KCNH4: variants seen among roughly 807,000 people sequenced by gnomAD.
The protein encoded by KCNH4 is potassium voltage-gated channel subfamily H member 4, also known as voltage-gated delayed rectifier potassium channel KCNH4.
KCNH4 carries 33 observed loss-of-function variants against 90.7 expected under a neutral mutation model. The observed-to-expected ratio is 0.36, with a 90% confidence interval of 0.28 to 0.49. The LOEUF is 0.49. Among genes scored for constraint, KCNH4 ranks in the 20% least tolerant of loss-of-function variants. The probability of loss-of-function intolerance (pLI) is 0.98; values close to 1 mark genes in which losing one functional copy is unlikely to be tolerated. For synonymous variants in KCNH4, 551 were observed against 581.7 expected (o/e 0.95, Z 0.76); for missense variants, 1,044 against 1,387.1 (o/e 0.75, Z 3.93).
Position 42,166,383 on chromosome 17 carries a change from C to A in KCNH4, c.1754G>T (p.Arg585Leu), listed in dbSNP as rs755800187. Residue 585 changes from arginine to leucine, a missense_variant, in exon 10 of 17, where the codon CGC (arginine) becomes CTC (leucine). Transcript: ENST00000264661. ...SFCAPGEYLL[R>L]RGDALQAHYY... The stretch of plus-strand genomic sequence containing the variant: ...ATGTGCCTGCAGGGCATCCCCACGG[C>A]GCAACAGGTACTCGCCCGGAGCGCA... 6.2e-7 allele frequency: 1 copy of A among 1,613,890 alleles called. No individual in the cohort carries two copies. Among genetic ancestry groups the A allele is most frequent in the East Asian group, 2.2e-5 (1 of 44,866 alleles).
chr17:42,178,552 C>T (rs1025896120), intron 2 of KCNH4, 75 bp from the exon 3 acceptor site: 1 of 1,540,848 alleles, frequency 6.5e-7, no homozygotes. Context: ...CCCTCTCATC[C>T]TCCTAGACAT....
At chr17:42,162,439 G>T in intron 14 of KCNH4, 118 bp from the exon 15 acceptor site, 1 of 791,990 alleles carries the variant, frequency 1.3e-6, no homozygotes, top group South Asian at 1.7e-5. Context: ...AAGCTCTAGG[G>T]TCTGTAAGAT....
rs761467739 is a variant in KCNH4 at position 42,165,488 on chromosome 17, C to T, written c.2046G>A (p.Arg682=). Residue 682 remains arginine, a synonymous_variant, in exon 11 of 17, where the codon CGG becomes CGA. Coordinates refer to ENST00000264661, the MANE Select transcript of KCNH4 (RefSeq NM_012285.3). ...CCTGGCGCAGGTTGAAGGTGAGGTC[C>T]CGGGGCAGGCCAGCCCGGAAGGCAG... ...YGAAFRAGLP[R]DLTFNLRQGS... 6.2e-7 allele frequency: 1 copy of T among 1,614,096 alleles called. No individual in the cohort carries two copies. The highest frequency in any genetic ancestry group is 1.7e-5 in the Admixed American group (1 of 60,010).
At chr17:42,179,545 G>A (rs1567644138) in intron 1 of KCNH4, among the ~76,000 whole-genome samples, 1 of 152,226 alleles carries the variant, frequency 6.6e-6, no homozygotes, top group Non-Finnish European at 1.5e-5. Flanking sequence ...CTCTGAGAAG[G>A]TGAAATTTTT....
chr17:42,176,323 G>T, intron 4 of KCNH4, 26 bp from the exon 5 acceptor site: 1 of 1,596,756 alleles, frequency 6.3e-7, no homozygotes. Flanking sequence ...TGGCGGTTGG[G>T]GACACTTGAG....
chr17:42,166,766 A>G (rs1427266004), intron 9 of KCNH4, among the ~76,000 whole-genome samples: 1 of 152,130 alleles, frequency 6.6e-6, no homozygotes, highest in Non-Finnish European at 1.5e-5. Context: ...TTCTCCCATC[A>G]GTTCCCTGCC....
intron 4 of KCNH4, among the ~76,000 whole-genome samples, chr17:42,177,348 C>A (rs1216710080): frequency 6.6e-6 from 1 of 151,880 alleles, no homozygotes; most frequent in Non-Finnish European, 1.5e-5. Flanking sequence ...TGCGCCTGGC[C>A]TCCAGATAAT....
In KCNH4 at chr17:42,171,778, G is replaced by T; in HGVS notation, c.1195+10C>A. The T allele has an allele frequency of 1.2e-6, 2 of 1,613,896 alleles. No homozygotes were observed. Among genetic ancestry groups the T allele is most frequent in the Non-Finnish European group, 1.7e-6 (2 of 1,179,856 alleles). On this transcript the variant is annotated intron_variant, in intron 7 of 16. Transcript: ENST00000264661. ...AGGTGGTCTGTGAAAGTTTGGGGTC[G>T]GTGGCTCACCAATGTCCCAGAGCAG...
At chr17:42,157,763 A>G (rs2079718916) in intron 16 of KCNH4, among the ~76,000 whole-genome samples, 1 of 151,808 alleles carries the variant, frequency 6.6e-6, no homozygotes, top group South Asian at 2.1e-4. Context: ...ACACACCACT[A>G]CACCTGGCTA....
At chr17:42,174,706 C>G (rs1295555530) in intron 6 of KCNH4, among the ~76,000 whole-genome samples, 1 of 152,098 alleles carries the variant, frequency 6.6e-6, no homozygotes, top group East Asian at 1.9e-4. Context: ...GGTAGCACTG[C>G]CCCACCCTGG....
intron 16 of KCNH4, among the ~76,000 whole-genome samples, chr17:42,158,349 T>G (rs56029293): frequency 6.8e-6 from 1 of 147,630 alleles, no homozygotes; most frequent in Non-Finnish European, 1.5e-5. Context: ...GCTAACATGG[T>G]GAAACCCCGT....
In KCNH4 at chr17:42,172,536, A is replaced by AACACACACACAC. The variant is rs55671197; in HGVS notation, c.988-553_988-542dup. 3.7e-5 allele frequency among the ~76,000 whole-genome samples: 5 copies of AACACACACACAC among 136,736 alleles called. No homozygotes were observed. The East Asian group carries it at 6.6e-4, about 18-fold the overall frequency. The allele number at this position is 136,736 out of a possible 152,430, so 89.7% of individuals were successfully genotyped here. A position where few individuals can be genotyped will look rare whatever the true frequency, so the allele number is the denominator to read the frequency against. On this transcript the variant is annotated intron_variant, in intron 6 of 16. Coordinates refer to ENST00000264661, the MANE Select transcript of KCNH4 (RefSeq NM_012285.3). Reference sequence around the variant, plus strand: ...TAAGCATTGGTAATCCTTATTTAACAACACACACACACACACACACACACA... The same window carrying AACACACACACAC: ...TAAGCATTGGTAATCCTTATTTAACAACACACACACACACACACACACACACACACACACACA...
chr17:42,173,100 G>A (rs1245156844), intron 6 of KCNH4, among the ~76,000 whole-genome samples: 1 of 151,802 alleles, frequency 6.6e-6, no homozygotes, highest in East Asian at 1.9e-4. Context: ...TCTGCATTGT[G>A]GTTATCAATA....
chr17:42,172,536 AACACACACACACACACACACACACAC>A (rs55671197), intron 6 of KCNH4, among the ~76,000 whole-genome samples: 1 of 136,630 alleles, frequency 7.3e-6, no homozygotes, highest in African/African-American at 2.6e-5. Context: ...CTTATTTAAC[AACACACACACACACACACACACACAC>A]ACACACACAC....
At position 42,176,719 on chromosome 17, in the gene KCNH4, C is replaced by T. The variant is rs868558701; in HGVS notation, c.586-422G>A. Among the ~76,000 whole-genome samples the T allele has an allele frequency of 2.6e-5, 4 of 151,754 alleles. No individual in the cohort carries two copies. In the South Asian group the frequency reaches 6.2e-4, roughly 24 times the overall value. On this transcript the variant is annotated intron_variant, in intron 4 of 16. Coordinates refer to ENST00000264661, the MANE Select transcript of KCNH4 (RefSeq NM_012285.3). ...TGTATTTTTAGTAGAGATGGGGTTT[C>T]GCCATGTTGGCCAGGCTGGTCTTGA...
chr17:42,173,044 G>A (rs1263764614), intron 6 of KCNH4, among the ~76,000 whole-genome samples: 1 of 151,850 alleles, frequency 6.6e-6, no homozygotes, highest in African/African-American at 2.4e-5. Context: ...GGAGATAATG[G>A]TACCTGGTAA....
At chr17:42,172,668 AC>A (rs1445665849) in intron 6 of KCNH4, among the ~76,000 whole-genome samples, 3 of 151,998 alleles carry the variant, frequency 2.0e-5, no homozygotes, top group African/African-American at 7.3e-5. Context: ...GTTCAAGGTC[AC>A]AGACCAAGGA....
chr17:42,175,100 T>C (rs981345094), intron 6 of KCNH4, among the ~76,000 whole-genome samples: 1 of 152,172 alleles, frequency 6.6e-6, no homozygotes, highest in Non-Finnish European at 1.5e-5. Context: ...CTCTGTAGCA[T>C]ACCCGGGCCC....
chr17:42,178,930 G>T lies in KCNH4; in HGVS notation c.173C>A (p.Thr58Asn). Residue 58 changes from threonine to asparagine, a missense_variant, in exon 2 of 17, where the codon ACC becomes AAC. By Grantham distance (65) the Thr-to-Asn change is moderately conservative. Transcript: ENST00000264661. ...GFCELTGYGR[T>N]EVMQKTCSCR... The stretch of plus-strand genomic sequence containing the variant: ...GCTGCAGGTCTTCTGCATGACCTCG[G>T]TGCGACCGTAGCCTGTGAGCTCGCA... 3.1e-6 allele frequency: 5 copies of T among 1,614,232 alleles called. No homozygotes were observed. The highest frequency in any genetic ancestry group is 4.2e-6 in the Non-Finnish European group (5 of 1,180,048).
Sources: allele counts gnomAD v4.1 joint callset (sites outside exome capture counted in the v4.1 genomes callset), GRCh38; gene constraint gnomAD v4.1.1; transcripts MANE v1.5; gene names NCBI Gene and HGNC (gene_info 2026-07-23, HGNC 2026-07-21).